The following RNPC3 variants were observed in gnomAD, a reference collection of about 807,000 sequenced individuals.
RNPC3 encodes RNA binding region (RNP1, RRM) containing 3.
Under a neutral mutation model 67.5 loss-of-function variants are expected in RNPC3, and 48 were observed. That is an observed-to-expected ratio of 0.71 (90% CI 0.56 to 0.90). The LOEUF (loss-of-function observed/expected upper bound fraction) is 0.90. Ranked by LOEUF, RNPC3 falls within the 40% of genes least tolerant of loss-of-function variation. The probability of loss-of-function intolerance (pLI) is 0.00; values close to 1 mark genes in which losing one functional copy is unlikely to be tolerated. For synonymous variants in RNPC3, 239 were observed against 210.3 expected (o/e 1.14, Z -1.18); for missense variants, 637 against 626.1 (o/e 1.02, Z -0.19).
intron 12 of RNPC3, among the ~76,000 whole-genome samples, chr1:103,549,723 G>A (rs1167103755): frequency 6.6e-6 from 1 of 152,078 alleles, no homozygotes; most frequent in Non-Finnish European, 1.5e-5. Flanking sequence ...TAAAAATTTG[G>A]TTTGTGTTTC....
chr1:103,526,323 G>C, intron 1 of RNPC3, 61 bp downstream of exon 1: 2 of 1,407,654 alleles, frequency 1.4e-6, no homozygotes, highest in South Asian at 2.7e-5. Flanking sequence ...CGGGGAGGGG[G>C]AGCGCTGACA....
chr1:103,533,693 T>TGGAAC, intron 2 of RNPC3, 46 bp from the exon 3 acceptor site: 1 of 1,066,000 alleles, frequency 9.4e-7, no homozygotes, highest in Non-Finnish European at 1.4e-6. Context: ...AACGAATCAT[T>TGGAAC]TTTGGTACAA....
chr1:103,525,751 C>G lies in RNPC3; in HGVS notation c.-320C>G, dbSNP rs1300409123. 2 of 206,216 alleles carry G rather than the reference C, an allele frequency of 9.7e-6. No homozygotes were observed. The highest frequency in any genetic ancestry group is 2.0e-5 in the Non-Finnish European group (2 of 102,054). The allele number at this position is 206,216 out of a possible 1,614,324, so 12.8% of individuals were successfully genotyped here. On this transcript the variant is annotated 5_prime_UTR_variant, in exon 1 of 15. Coordinates refer to ENST00000423855, the MANE Select transcript of RNPC3 (RefSeq NM_017619.4). ...CGTCAACCTTCTTTCCCTGAAGTGGCTGGGGTTCCTGTTTCCTTCTTTGAT... is the reference window on the plus strand; with the variant it reads ...CGTCAACCTTCTTTCCCTGAAGTGGGTGGGGTTCCTGTTTCCTTCTTTGAT...
chr1:103,536,865 A>G (rs1301657372), intron 6 of RNPC3, among the ~76,000 whole-genome samples: 1 of 152,166 alleles, frequency 6.6e-6, no homozygotes, highest in Non-Finnish European at 1.5e-5. Context: ...GCTGTTAACA[A>G]ATAAATTCTT....
chr1:103,526,384 C>T lies in RNPC3; in HGVS notation c.192+122C>T, dbSNP rs1570612813. ...AGATGGACTTGTGTGATGAGAGCTCCCCCATCCTACCTCTTTTTTATCAAA... is the reference window on the plus strand; with the variant it reads ...AGATGGACTTGTGTGATGAGAGCTCTCCCATCCTACCTCTTTTTTATCAAA... On this transcript the variant is annotated intron_variant, in intron 1 of 14. Transcript: ENST00000423855. 1.1e-5 allele frequency: 8 copies of T among 698,978 alleles called. No homozygotes were observed. In the East Asian group the frequency reaches 2.1e-4, roughly 18 times the overall value. 43.3% of individuals were successfully genotyped at this position (698,978 alleles called of 1,614,324 possible). A position where few individuals can be genotyped will look rare whatever the true frequency, so the allele number is the denominator to read the frequency against.
chr1:103,533,032 A>G (rs1650897670), intron 2 of RNPC3, among the ~76,000 whole-genome samples: 1 of 152,068 alleles, frequency 6.6e-6, no homozygotes. Flanking sequence ...GTAAATTAAC[A>G]GTATAAATAA....
intron 3 of RNPC3, among the ~76,000 whole-genome samples, chr1:103,534,443 A>G (rs1382426307): frequency 6.6e-6 from 1 of 152,028 alleles, no homozygotes; most frequent in East Asian, 1.9e-4. Context: ...AAGACATTTG[A>G]TTACCACTGT....
intron 7 of RNPC3, among the ~76,000 whole-genome samples, chr1:103,538,386 T>C (rs36151297): frequency 0.15 from 22,742 of 152,168 alleles, 1,967 homozygotes; most frequent in South Asian, 0.28. Context: ...AGCATGGTGT[T>C]GAAGTGCTCT....
At chr1:103,541,324 G>GT in intron 7 of RNPC3, 26 bp from the exon 8 acceptor site, 5 of 1,469,744 alleles carry the variant, frequency 3.4e-6, no homozygotes, top group Non-Finnish European at 4.5e-6. Flanking sequence ...AGGAAATTTT[G>GT]TTTATCATCC....
intron 7 of RNPC3, among the ~76,000 whole-genome samples, chr1:103,539,367 T>C (rs1651065836): frequency 6.6e-6 from 1 of 152,274 alleles, no homozygotes; most frequent in Admixed American, 6.5e-5. Context: ...AATCAAAGCA[T>C]AGGTGGGGCT....
At chr1:103,554,266 A>T (rs1651477424) in intron 14 of RNPC3, 1 of 152,314 alleles carries the variant, frequency 6.6e-6, no homozygotes, top group African/African-American at 2.4e-5. Flanking sequence ...AGGCAGGAGG[A>T]TTACTTGAGC....
At chr1:103,544,367 A>G (rs529475212) in intron 9 of RNPC3, among the ~76,000 whole-genome samples, 5 of 151,958 alleles carry the variant, frequency 3.3e-5, no homozygotes, top group African/African-American at 9.6e-5. Context: ...GAAGTTTACA[A>G]TCTAGTTAGG....
chr1:103,553,496 T>G (rs762057720), intron 14 of RNPC3: 1 of 152,200 alleles, frequency 6.6e-6, no homozygotes, highest in African/African-American at 2.4e-5. Flanking sequence ...GTTTTTAGAT[T>G]TGTTGTTGAA....
intron 2 of RNPC3, among the ~76,000 whole-genome samples, chr1:103,533,354 A>G (rs1277609394): frequency 6.6e-6 from 1 of 152,046 alleles, no homozygotes; most frequent in African/African-American, 2.4e-5. Flanking sequence ...TCTCTGAGAT[A>G]TAGGTGGAAA....
intron 14 of RNPC3, chr1:103,553,520 C>T (rs562434008): frequency 6.6e-6 from 1 of 152,032 alleles, no homozygotes; most frequent in Non-Finnish European, 1.5e-5. Context: ...TCTGTGCTGT[C>T]CTTTATATAA....
chr1:103,551,104 AT>A (rs1651377836), intron 13 of RNPC3, 31 bp downstream of exon 13: 1 of 1,530,372 alleles, frequency 6.5e-7, no homozygotes. Context: ...TTTCAAAACT[AT>A]ATAATTTTTA....
chr1:103,537,275 T>C, intron 6 of RNPC3, 67 bp from the exon 7 acceptor site: 1 of 1,094,480 alleles, frequency 9.1e-7, no homozygotes, highest in East Asian at 2.7e-5. Flanking sequence ...AATGAAGTAT[T>C]CAGATGGAGT....
In RNPC3 at chr1:103,525,808, G is replaced by T; in HGVS notation, c.-263G>T. On this transcript the variant is annotated 5_prime_UTR_variant, in exon 1 of 15. Coordinates refer to ENST00000423855, the MANE Select transcript of RNPC3 (RefSeq NM_017619.4). The stretch of plus-strand genomic sequence containing the variant: ...CTTGTGTTAACCCTCGCACATCTCT[G>T]GGCCAATTTTTGCTTGTAAGTCTTT... 1 of 413,068 alleles carries T rather than the reference G, an allele frequency of 2.4e-6. No homozygotes were observed. Among genetic ancestry groups the T allele is most frequent in the South Asian group, 3.5e-5 (1 of 28,788 alleles). The allele number at this position is 413,068 out of a possible 1,614,324, so 25.6% of individuals were successfully genotyped here.
chr1:103,552,518 T>A (rs1012164947), intron 14 of RNPC3: 2 of 151,970 alleles, frequency 1.3e-5, no homozygotes, highest in Middle Eastern at 3.2e-3. Flanking sequence ...TCTCAGCAAT[T>A]TGGGAAGTGG....
Sources: gnomAD v4.1 joint callset for allele counts (sites outside exome capture counted in the v4.1 genomes callset) on GRCh38, gnomAD v4.1.1 for gene constraint, MANE v1.5 for transcripts, NCBI Gene and HGNC (gene_info 2026-07-23, HGNC 2026-07-21) for gene names.